The following ADCY2 variants were observed in gnomAD, a reference collection of about 807,000 sequenced individuals.
ADCY2 encodes adenylate cyclase 2.
A neutral mutation model predicts 125.2 loss-of-function variants in ADCY2; 31 were observed. The ratio of observed to expected loss-of-function variants is 0.25; its 90% CI spans 0.19 to 0.33. The LOEUF (loss-of-function observed/expected upper bound fraction) is 0.33. Ranked by LOEUF, ADCY2 falls within the 10% of genes least tolerant of loss-of-function variation. ADCY2 has a pLI of 1.00. For missense variants in ADCY2, 904 were observed against 1,418.2 expected, an observed-to-expected ratio of 0.64 and a Z score of 5.82; for synonymous variants, 512 against 548.4, an observed-to-expected ratio of 0.93 and a Z score of 0.93.
intron 2 of ADCY2, among the ~76,000 whole-genome samples, chr5:7,513,373 G>A (rs1744143547): frequency 6.6e-6 from 1 of 152,178 alleles, no homozygotes; most frequent in Non-Finnish European, 1.5e-5. Flanking sequence ...CAAGGAACAA[G>A]ATAAGAAAAT....
intron 3 of ADCY2, among the ~76,000 whole-genome samples, chr5:7,623,610 G>A (rs1052005864): frequency 2.6e-5 from 4 of 152,150 alleles, no homozygotes; most frequent in Non-Finnish European, 1.5e-5. Flanking sequence ...GACATTCCCA[G>A]AAAAGGTGAT....
chr5:7,552,289 G>T (rs1193182294), intron 3 of ADCY2, among the ~76,000 whole-genome samples: 1 of 152,096 alleles, frequency 6.6e-6, no homozygotes, highest in African/African-American at 2.4e-5. Flanking sequence ...TAATTACATT[G>T]TTTTTTAAAA....
chr5:7,630,270 C>T (rs1738271209), intron 4 of ADCY2, among the ~76,000 whole-genome samples: 1 of 152,112 alleles, frequency 6.6e-6, no homozygotes, highest in African/African-American at 2.4e-5. Flanking sequence ...TAGATAATGA[C>T]AAATTTACCT....
At chr5:7,700,833 TCAGA>T (rs1469307445) in intron 7 of ADCY2, among the ~76,000 whole-genome samples, 1 of 151,652 alleles carries the variant, frequency 6.6e-6, no homozygotes, top group Non-Finnish European at 1.5e-5. Flanking sequence ...CATGCTTTTG[TCAGA>T]CAGATCAGAA....
At chr5:7,420,824 A>G (rs541643920) in intron 2 of ADCY2, among the ~76,000 whole-genome samples, 1 of 152,248 alleles carries the variant, frequency 6.6e-6, no homozygotes, top group African/African-American at 2.4e-5. Flanking sequence ...TGTGCTTCCA[A>G]TTCCCCATTG....
chr5:7,755,388 A>G (rs935920360), intron 15 of ADCY2, among the ~76,000 whole-genome samples: 2 of 151,568 alleles, frequency 1.3e-5, no homozygotes, highest in Non-Finnish European at 2.9e-5. Flanking sequence ...ATCTTTTCCT[A>G]TCAGGAGCTG....
intron 2 of ADCY2, among the ~76,000 whole-genome samples, chr5:7,456,066 G>A (rs2126429319): frequency 6.6e-6 from 1 of 151,596 alleles, no homozygotes; most frequent in Non-Finnish European, 1.5e-5. Context: ...GTGTCTGTAG[G>A]AAGGAAAGTA....
chr5:7,759,078 G>A (rs1743108591), intron 16 of ADCY2, among the ~76,000 whole-genome samples: 1 of 152,142 alleles, frequency 6.6e-6, no homozygotes, highest in South Asian at 2.1e-4. Context: ...TGTGTAGCCT[G>A]GAAATTGATC....
In ADCY2 at chr5:7,645,025, G is replaced by A. The variant is rs76140719; in HGVS notation, c.720+18709G>A. Among the ~76,000 whole-genome samples, 10 of 152,312 alleles carry A rather than the reference G, an allele frequency of 6.6e-5. No individual in the cohort carries two copies. The East Asian group carries it at 1.7e-3, about 26-fold the overall frequency. The stretch of plus-strand genomic sequence containing the variant: ...TGTCCTTGTTATGAGCATGGCTGTA[G>A]TTTCATGCTCTTTGGTTGTGAATCC... On this transcript the variant is annotated intron_variant, in intron 4 of 24. Coordinates refer to ENST00000338316, the MANE Select transcript of ADCY2 (RefSeq NM_020546.3).
intron 3 of ADCY2, among the ~76,000 whole-genome samples, chr5:7,555,854 G>GCA (rs58926524): frequency 0.041 from 5,907 of 142,526 alleles, 344 homozygotes; most frequent in Admixed American, 0.18. Flanking sequence ...ACATGTGAGC[G>GCA]CACACACACA....
At chr5:7,483,010 G>A (rs1316933754) in intron 2 of ADCY2, among the ~76,000 whole-genome samples, 3 of 151,800 alleles carry the variant, frequency 2.0e-5, no homozygotes, top group Non-Finnish European at 4.4e-5. Context: ...GCAGAGGCTG[G>A]GAAGGGTGTG....
Position 7,773,109 on chromosome 5 carries a change from A to G in ADCY2, c.2384+8A>G, listed in dbSNP as rs917495169. The G allele has an allele frequency of 6.2e-7, 1 of 1,613,014 alleles. No homozygotes were observed. The highest frequency in any genetic ancestry group is 8.5e-7 in the Non-Finnish European group (1 of 1,179,484). The stretch of plus-strand genomic sequence containing the variant: ...CCAGGTCTTATTTGAGAGGTGAGCC[A>G]CGGCCTCTTCCTTCTCTTACTATAG... On this transcript the variant is annotated splice_region_variant and intron_variant, in intron 18 of 24. Coordinates refer to ENST00000338316, the MANE Select transcript of ADCY2 (RefSeq NM_020546.3).
In ADCY2 at chr5:7,773,066, C is replaced by T. The variant is rs1232691021; in HGVS notation, c.2349C>T (p.His783=). The T allele has an allele frequency of 1.9e-6, 3 of 1,614,124 alleles. No individual in the cohort carries two copies. Among genetic ancestry groups the T allele is most frequent in the East Asian group, 2.2e-5 (1 of 44,882 alleles). Residue 783 remains histidine (H), a synonymous_variant, in exon 18 of 25, where the codon CAC becomes CAT. Coordinates refer to ENST00000338316, the MANE Select transcript of ADCY2 (RefSeq NM_020546.3). Reference sequence around the variant, plus strand: ...CCATCCTACTCCACACCCACGCCCACGTCCTGGGCGACTACAGCCAGGTCT... The same window carrying T: ...CCATCCTACTCCACACCCACGCCCATGTCCTGGGCGACTACAGCCAGGTCT... The part of the protein sequence containing the change: ...YNTILLHTHA[H]VLGDYSQVLF...
At chr5:7,694,066 C>T (rs1740809623) in intron 5 of ADCY2, among the ~76,000 whole-genome samples, 1 of 152,114 alleles carries the variant, frequency 6.6e-6, no homozygotes, top group Non-Finnish European at 1.5e-5. Flanking sequence ...GAGGGTAAAG[C>T]TGTCCCAGGA....
At chr5:7,638,825 C>T (rs1362766515) in intron 4 of ADCY2, among the ~76,000 whole-genome samples, 1 of 152,202 alleles carries the variant, frequency 6.6e-6, no homozygotes, top group African/African-American at 2.4e-5. Context: ...TCTGTGGCCC[C>T]ACCCAAATCT....
At chr5:7,804,976 T>C (rs1363965141) in intron 22 of ADCY2, among the ~76,000 whole-genome samples, 2 of 152,086 alleles carry the variant, frequency 1.3e-5, no homozygotes, top group African/African-American at 4.8e-5. Flanking sequence ...AGCTAGTTAT[T>C]TGAAGGAGAC....
At chr5:7,400,638 A>G (rs929475837) in intron 1 of ADCY2, among the ~76,000 whole-genome samples, 8 of 152,216 alleles carry the variant, frequency 5.3e-5, no homozygotes, top group Admixed American at 5.2e-4. Flanking sequence ...CATCCCCTCT[A>G]AGAAGCAGGA....
chr5:7,712,805 A>T, intron 10 of ADCY2, 51 bp from the exon 11 acceptor site: 1 of 1,288,662 alleles, frequency 7.8e-7, no homozygotes, highest in Non-Finnish European at 1.1e-6. Flanking sequence ...TCATTGCAAC[A>T]TTCTTCTTGA....
chr5:7,735,341 CT>C (rs769117763), intron 14 of ADCY2, among the ~76,000 whole-genome samples: 8 of 152,118 alleles, frequency 5.3e-5, no homozygotes, highest in Non-Finnish European at 1.2e-4. Flanking sequence ...CCCAATTTCC[CT>C]GGTTAAAGCC....
Sources: gnomAD v4.1 joint callset for allele counts (sites outside exome capture counted in the v4.1 genomes callset) on GRCh38, gnomAD v4.1.1 for gene constraint, MANE v1.5 for transcripts, NCBI Gene and HGNC (gene_info 2026-07-23, HGNC 2026-07-21) for gene names.